MAST2: variants seen among roughly 807,000 people sequenced by gnomAD.
MAST2 encodes microtubule associated serine/threonine kinase 2, also known as microtubule-associated serine/threonine-protein kinase 2.
MAST2 carries 70 observed loss-of-function variants against 147.4 expected under a neutral mutation model. The ratio of observed to expected loss-of-function variants is 0.47; its 90% CI spans 0.39 to 0.58. MAST2 has a LOEUF of 0.58. Ranked by LOEUF, MAST2 falls within the 20% of genes least tolerant of loss-of-function variation. The probability of loss-of-function intolerance (pLI) is 0.00; values close to 1 mark genes in which losing one functional copy is unlikely to be tolerated. For missense variants in MAST2, 2,080 were observed against 2,302.3 expected (o/e 0.90, Z 1.98); for synonymous variants, 869 against 896.8 (o/e 0.97, Z 0.55).
chr1:45,895,663 A>T (rs886471106), intron 4 of MAST2, among the ~76,000 whole-genome samples: 24 of 152,324 alleles, frequency 1.6e-4, no homozygotes, highest in African/African-American at 5.1e-4. Flanking sequence ...CAGTTTTTTT[A>T]AAAAAAGTAA....
intron 1 of MAST2, among the ~76,000 whole-genome samples, chr1:45,811,505 AT>A (rs1464054280): frequency 1.3e-5 from 2 of 149,250 alleles, no homozygotes; most frequent in African/African-American, 2.5e-5. Context: ...CGCTCGGCTA[AT>A]TTTTTTGTAT....
chr1:45,897,562 A>G (rs931064901), intron 4 of MAST2, among the ~76,000 whole-genome samples: 2 of 152,186 alleles, frequency 1.3e-5, no homozygotes, highest in Non-Finnish European at 2.9e-5. Flanking sequence ...TAATCCCAGC[A>G]CTTTGGGAGG....
intron 4 of MAST2, among the ~76,000 whole-genome samples, chr1:45,948,384 T>C (rs760993220): frequency 2.0e-5 from 3 of 152,128 alleles, no homozygotes; most frequent in Non-Finnish European, 4.4e-5. Flanking sequence ...AGAGTATTCT[T>C]CACAGAACTA....
intron 4 of MAST2, among the ~76,000 whole-genome samples, chr1:45,937,751 CAAAAAAAAAAAAAAAAAAA>C (rs34830747): frequency 2.7e-5 from 2 of 73,222 alleles, no homozygotes; most frequent in Non-Finnish European, 4.9e-5. Context: ...AACTCCATCT[CAAAAAAAAAAAAAAAAAAA>C]AAAAAAAAAA....
At chr1:45,906,086 A>T (rs989890160) in intron 4 of MAST2, among the ~76,000 whole-genome samples, 1 of 152,146 alleles carries the variant, frequency 6.6e-6, no homozygotes, top group Admixed American at 6.6e-5. Flanking sequence ...CCATTTGTGA[A>T]TCTTTTGTGA....
intron 1 of MAST2, among the ~76,000 whole-genome samples, chr1:45,805,844 A>G (rs1644126908): frequency 6.6e-6 from 1 of 152,188 alleles, no homozygotes; most frequent in Non-Finnish European, 1.5e-5. Flanking sequence ...ATTTCCCTGA[A>G]TTGTGTAACC....
chr1:45,901,676 C>G (rs1649792626), intron 4 of MAST2, among the ~76,000 whole-genome samples: 1 of 152,094 alleles, frequency 6.6e-6, no homozygotes, highest in African/African-American at 2.4e-5. Context: ...TGTTCTTTAG[C>G]TCTCCTTGTA....
At chr1:45,975,606 C>T (rs145937843) in intron 5 of MAST2, among the ~76,000 whole-genome samples, 1 of 147,876 alleles carries the variant, frequency 6.8e-6, no homozygotes, top group South Asian at 2.1e-4. Flanking sequence ...CAGGAAGTCA[C>T]GGCTGCAGTA....
At chr1:45,811,489 C>T (rs911437209) in intron 1 of MAST2, among the ~76,000 whole-genome samples, 1 of 151,624 alleles carries the variant, frequency 6.6e-6, no homozygotes, top group African/African-American at 2.4e-5. Flanking sequence ...CAGGCGCCCA[C>T]CACCACGCTC....
chr1:45,914,098 G>A (rs1652091157), intron 4 of MAST2, among the ~76,000 whole-genome samples: 1 of 152,130 alleles, frequency 6.6e-6, no homozygotes. Flanking sequence ...CATTTTAGGG[G>A]TTCCTGAATA....
At chr1:45,992,636 GAATT>G (rs1381741831) in intron 5 of MAST2, among the ~76,000 whole-genome samples, 11 of 152,112 alleles carry the variant, frequency 7.2e-5, no homozygotes, top group African/African-American at 2.7e-4. Flanking sequence ...ATGTTTGGTA[GAATT>G]AATCAGTGAA....
chr1:45,831,681 C>T (rs1321183920), intron 3 of MAST2, among the ~76,000 whole-genome samples: 1 of 152,044 alleles, frequency 6.6e-6, no homozygotes, highest in Non-Finnish European at 1.5e-5. Flanking sequence ...AAGCAAGTCA[C>T]AGACTAATTA....
chr1:46,036,067 C>T lies in MAST2; in HGVS notation c.*1C>T, dbSNP rs771984175. The T allele has an allele frequency of 1.6e-5, 25 of 1,596,026 alleles. No homozygotes were observed. Among genetic ancestry groups the T allele is most frequent in the East Asian group, 1.3e-4 (6 of 44,710 alleles). On this transcript the variant is annotated 3_prime_UTR_variant, in exon 29 of 29. Coordinates refer to ENST00000361297, the MANE Select transcript of MAST2 (RefSeq NM_015112.3). Reference sequence around the variant, plus strand: ...AGATGAGCTTTTAAAGCAAACATAGCAGTTGTTTGCCATTTCTTGCACTCA... The same window carrying T: ...AGATGAGCTTTTAAAGCAAACATAGTAGTTGTTTGCCATTTCTTGCACTCA...
At position 46,023,298 on chromosome 1, in the gene MAST2, C is replaced by T; in HGVS notation, c.1551C>T (p.Leu517=). 1 of 1,614,184 alleles carries T rather than the reference C, an allele frequency of 6.2e-7. No homozygotes were observed. Among genetic ancestry groups the T allele is most frequent in the Middle Eastern group, 1.7e-4 (1 of 6,052 alleles). The change falls in exon 14 of 29, where the codon CTC becomes CTT. Residue 517 remains leucine, a synonymous_variant. Transcript: ENST00000361297. The surrounding 1 kb of genome is among the most constrained non-coding windows in gnomAD (Gnocchi z 4.9). ...PSEEDFETIK[L]ISNGAYGAVF... Reference sequence around the variant, plus strand: ...AAGAGGACTTCGAGACCATTAAGCTCATCAGCAATGGCGCCTATGGGTAAA... The same window carrying T: ...AAGAGGACTTCGAGACCATTAAGCTTATCAGCAATGGCGCCTATGGGTAAA...
Position 46,033,897 on chromosome 1 carries a change from C to A in MAST2, c.3633C>A (p.Ala1211=). ...ARKGSYKAKM[A]RRSKRSRGKD... ...AGGGCAGCTACAAGGCCAAGATGGC[C>A]CGAAGGAGCAAGAGGAGCCGCGGCA... is the stretch of plus-strand genomic sequence containing the variant. Residue 1211 remains alanine, a synonymous_variant, in exon 27 of 29, where the codon GCC becomes GCA. Transcript: ENST00000361297. 2.5e-6 allele frequency: 4 copies of A among 1,614,136 alleles called. No individual in the cohort carries two copies. The Admixed American group carries it at 6.7e-5, about 27-fold the overall frequency.
chr1:45,872,331 G>T (rs2148184424), intron 3 of MAST2, among the ~76,000 whole-genome samples: 1 of 152,282 alleles, frequency 6.6e-6, no homozygotes, highest in East Asian at 1.9e-4. Flanking sequence ...CTCCTGGCTT[G>T]CATATTTACT....
intron 5 of MAST2, among the ~76,000 whole-genome samples, chr1:45,968,525 C>T (rs1292267534): frequency 1.3e-5 from 2 of 151,400 alleles, no homozygotes; most frequent in African/African-American, 4.8e-5. Flanking sequence ...TTTCACTCCA[C>T]TATCTTCTTG....
intron 5 of MAST2, among the ~76,000 whole-genome samples, chr1:45,983,039 G>A (rs1644474611): frequency 6.6e-6 from 1 of 152,146 alleles, no homozygotes; most frequent in African/African-American, 2.4e-5. Flanking sequence ...CATTACAGAT[G>A]CCTTTTGCCA....
intron 4 of MAST2, among the ~76,000 whole-genome samples, chr1:45,888,773 C>T (rs1647224552): frequency 7.0e-6 from 1 of 143,230 alleles, no homozygotes; most frequent in Admixed American, 7.3e-5. Flanking sequence ...CCTCCGCCTC[C>T]CAGGTTCAAG....
Sources: gnomAD v4.1 joint callset for allele counts (sites outside exome capture counted in the v4.1 genomes callset) on GRCh38, gnomAD v4.1.1 for gene constraint, Gnocchi (gnomAD v3.1) non-coding constraint, MANE v1.5 for transcripts, NCBI Gene and HGNC (gene_info 2026-07-23, HGNC 2026-07-21) for gene names.